Variants in IKZF4 observed in about 807,000 individuals in gnomAD.
IKZF4 encodes IKAROS family zinc finger 4, also known as zinc finger protein Eos.
A neutral mutation model predicts 47.7 loss-of-function variants in IKZF4; 11 were observed. The ratio of observed to expected loss-of-function variants is 0.23; its 90% CI spans 0.15 to 0.38. The LOEUF is 0.38. Ranked by LOEUF, IKZF4 falls within the 10% of genes least tolerant of loss-of-function variation. The pLI is 1.00. For synonymous variants in IKZF4, 298 were observed against 299.4 expected (o/e 1.00, Z 0.05); for missense variants, 557 against 784.9 (o/e 0.71, Z 3.47).
Position 56,035,102 on chromosome 12 carries a change from C to G in IKZF4, c.1529C>G (p.Pro510Arg), listed in dbSNP as rs1895523058. 3 of 1,610,286 alleles carry G rather than the reference C, an allele frequency of 1.9e-6. No individual in the cohort carries two copies. Among genetic ancestry groups the G allele is most frequent in the Non-Finnish European group, 2.5e-6 (3 of 1,177,774 alleles). ...KPQEGLLRGT[P>R]GPSKEVLRVV... Reference sequence around the variant, plus strand: ...CAGGAGGGGTTATTGCGGGGCACCCCAGGCCCCTCCAAGGAAGTGCTTCGG... The same window carrying G: ...CAGGAGGGGTTATTGCGGGGCACCCGAGGCCCCTCCAAGGAAGTGCTTCGG... Residue 510 changes from proline to arginine, a missense_variant, in exon 8 of 8, where the codon CCA becomes CGA. Pro to Arg is a moderately radical substitution (Grantham distance 103). This residue lies in a region of IKZF4 where 280 missense variants were observed against 314.0 expected (regional missense o/e 0.89). Coordinates refer to ENST00000547167, the MANE Select transcript of IKZF4 (RefSeq NM_022465.4). This position sits in a 1 kb window ranked among gnomAD's most constrained non-coding sequence, Gnocchi z 6.1.
At chr12:56,009,290 C>T (rs751591682) in intron 1 of IKZF4, among the ~76,000 whole-genome samples, 45 of 152,202 alleles carry the variant, frequency 3.0e-4, no homozygotes, top group Non-Finnish European at 6.5e-4. Context: ...AAAATGTTAT[C>T]TGACTACCTA....
At chr12:56,020,914 C>G (rs913658722), upstream of IKZF4, 2 of 993,236 alleles carry the variant, frequency 2.0e-6, no homozygotes, top group South Asian at 4.6e-5. Flanking sequence ...TGAAGCTGTC[C>G]GTGTCCTGGG....
At chr12:56,008,308 G>C (rs959797893) in intron 1 of IKZF4, among the ~76,000 whole-genome samples, 1 of 152,056 alleles carries the variant, frequency 6.6e-6, no homozygotes, top group Admixed American at 6.6e-5. Flanking sequence ...TGGGAAAGAA[G>C]AGATTCACTG....
At chr12:56,014,882 C>T (rs1891818841) in intron 2 of IKZF4, among the ~76,000 whole-genome samples, 1 of 152,176 alleles carries the variant, frequency 6.6e-6, no homozygotes, top group African/African-American at 2.4e-5. Context: ...AGAAAGAGGA[C>T]ACCTCAGAGA....
rs984133283 is a variant in IKZF4 at position 56,035,070 on chromosome 12, C to G, written c.1497C>G (p.Pro499=). Residue 499 remains proline, a synonymous_variant, in exon 8 of 8, where the codon CCC becomes CCG. Coordinates refer to ENST00000547167, the MANE Select transcript of IKZF4 (RefSeq NM_022465.4). This position sits in a 1 kb window ranked among gnomAD's most constrained non-coding sequence, Gnocchi z 6.1. ...RHSPAYAKED[P]KPQEGLLRGT... is the part of the protein sequence containing the mutation. ...GTCCTGCCTACGCCAAAGAGGACCC[C>G]AAGCCACAGGAGGGGTTATTGCGGG... The G allele has an allele frequency of 2.5e-6, 4 of 1,589,144 alleles. No homozygotes were observed. The highest frequency in any genetic ancestry group is 3.4e-6 in the Non-Finnish European group (4 of 1,167,288).
chr12:56,032,364 A>G, intron 5 of IKZF4, 197 bp from the exon 6 acceptor site: 1 of 579,684 alleles, frequency 1.7e-6, no homozygotes, highest in Non-Finnish European at 3.0e-6. Flanking sequence ...ATAACTGCAC[A>G]TTATCCTTCA....
In IKZF4 at chr12:56,034,649, T is replaced by C. The variant is rs1393495115; in HGVS notation, c.1076T>C (p.Leu359Ser). ...NSGGYEKDVE[L>S]VAHHSLEPGF... is the part of the protein sequence containing the mutation. ...GGTGGCTATGAAAAGGATGTGGAGT[T>C]GGTGGCACACCACAGCCTAGAGCCT... is the stretch of plus-strand genomic sequence containing the variant. Residue 359 changes from leucine to serine, a missense_variant, in exon 8 of 8, where the codon TTG becomes TCG. By Grantham distance (145) the Leu-to-Ser change is moderately radical. Transcript: ENST00000547167. 6.2e-6 allele frequency: 10 copies of C among 1,613,906 alleles called. No homozygotes were observed. In the East Asian group the frequency reaches 6.7e-5, roughly 11 times the overall value.
chr12:56,018,165 T>C (rs1892376677), upstream of IKZF4: 1 of 1,289,380 alleles, frequency 7.8e-7, no homozygotes, highest in African/African-American at 1.5e-5. Flanking sequence ...CAATGGCCGC[T>C]CCTATGTGTC....
chr12:56,031,963 GAC>G (rs917231653), intron 5 of IKZF4, among the ~76,000 whole-genome samples: 4 of 152,054 alleles, frequency 2.6e-5, no homozygotes, highest in African/African-American at 9.7e-5. Flanking sequence ...GAGACAGAGA[GAC>G]AAAATAATCA....
rs1031814602 is a variant in IKZF4, at chr12:56,033,087, C to A, written c.866-103C>A. ...CCAGTTTCCCAGGCAACTGGTATGTCCTTCCTTGGCTACTGACCTGCTGGT... is the reference window on the plus strand; with the variant it reads ...CCAGTTTCCCAGGCAACTGGTATGTACTTCCTTGGCTACTGACCTGCTGGT... On this transcript the variant is annotated intron_variant, in intron 6 of 7. Transcript: ENST00000547167. 4 of 1,404,580 alleles carry A rather than the reference C, an allele frequency of 2.8e-6. No homozygotes were observed. In the African/African-American group the frequency reaches 4.3e-5, roughly 15 times the overall value. 87.0% of individuals were successfully genotyped at this position (1,404,580 alleles called of 1,614,324 possible). A position where few individuals can be genotyped will look rare whatever the true frequency, so the allele number is the denominator to read the frequency against.
At chr12:56,013,977 C>G (rs1461720196) in intron 2 of IKZF4, among the ~76,000 whole-genome samples, 1 of 152,228 alleles carries the variant, frequency 6.6e-6, no homozygotes, top group East Asian at 1.9e-4. Flanking sequence ...ATGGCAAAAC[C>G]CTGTCTCTAC....
chr12:56,016,049 ATC>A (rs1364886675), upstream of IKZF4, among the ~76,000 whole-genome samples: 1 of 151,208 alleles, frequency 6.6e-6, no homozygotes, highest in Non-Finnish European at 1.5e-5. Context: ...GATACTAGGA[ATC>A]TCTCTGACAA....
Position 56,027,762 on chromosome 12 carries a change from T to C in IKZF4, c.548-18T>C. 1 of 1,609,586 alleles carries C rather than the reference T, an allele frequency of 6.2e-7. No individual in the cohort carries two copies. The highest frequency in any genetic ancestry group is 1.7e-5 in the Admixed American group (1 of 59,332). On this transcript the variant is annotated intron_variant, in intron 4 of 7. Coordinates refer to ENST00000547167, the MANE Select transcript of IKZF4 (RefSeq NM_022465.4). The stretch of plus-strand genomic sequence containing the variant: ...TTCCTCACATGCAGTCCTCTGGGAT[T>C]TGTTCTTTCACTTGCAGGTGAAAGG...
At chr12:56,020,962 A>G (rs1176332078), upstream of IKZF4, 7 of 1,015,798 alleles carry the variant, frequency 6.9e-6, no homozygotes, top group African/African-American at 1.7e-5. Context: ...CCCAGCTGGC[A>G]GAGGATTGGG....
chr12:56,025,007 A>C lies in IKZF4; in HGVS notation c.182-47A>C. The stretch of plus-strand genomic sequence containing the variant: ...TAAAAGATTAGGCAATGGACAGTAG[A>C]TATCTCCAGCTCCAGCTTTACCTGC... On this transcript the variant is annotated intron_variant, in intron 2 of 7. Coordinates refer to ENST00000547167, the MANE Select transcript of IKZF4 (RefSeq NM_022465.4). The C allele has an allele frequency of 3.9e-6, 6 of 1,553,538 alleles. No homozygotes were observed. In the South Asian group the frequency reaches 7.1e-5, roughly 18 times the overall value.
chr12:56,011,268 A>C (rs1891293470), intron 1 of IKZF4: 1 of 152,236 alleles, frequency 6.6e-6, no homozygotes, highest in African/African-American at 2.4e-5. Flanking sequence ...AACCCCAAAA[A>C]GTATCATCTC....
At chr12:56,013,062 C>T (rs535929427) in intron 2 of IKZF4, among the ~76,000 whole-genome samples, 15 of 152,278 alleles carry the variant, frequency 9.9e-5, no homozygotes, top group African/African-American at 3.1e-4. Context: ...CAATGACCAG[C>T]GTTTCCTCCC....
Position 56,034,578 on chromosome 12 carries a change from G to A in IKZF4, c.1005G>A (p.Lys335=), listed in dbSNP as rs1895435592. 3.1e-6 allele frequency: 5 copies of A among 1,605,448 alleles called. No homozygotes were observed. Among genetic ancestry groups the A allele is most frequent in the Non-Finnish European group, 3.4e-6 (4 of 1,174,572 alleles). The part of the protein sequence containing the change: ...RSTPQKFVGE[K]QMRFSLSDLP... ...AGTTCCTGTTCTCCACAGGCGAAAA[G>A]CAGATGCGCTTCAGCCTCTCAGACC... is the stretch of plus-strand genomic sequence containing the variant. Residue 335 remains lysine, a synonymous_variant, in exon 8 of 8, where the codon AAG becomes AAA. Coordinates refer to ENST00000547167, the MANE Select transcript of IKZF4 (RefSeq NM_022465.4).
chr12:56,020,724 C>A (rs187770707), upstream of IKZF4, among the ~76,000 whole-genome samples: 1 of 152,098 alleles, frequency 6.6e-6, no homozygotes, highest in Non-Finnish European at 1.5e-5. Flanking sequence ...CCTTTTTGCC[C>A]GGGATCTGAA....
Sources: allele counts gnomAD v4.1 joint callset (sites outside exome capture counted in the v4.1 genomes callset), GRCh38; gene constraint gnomAD v4.1.1; regional missense constraint gnomAD v4.1.1; non-coding constraint Gnocchi (gnomAD v3.1); transcripts MANE v1.5; gene names NCBI Gene and HGNC (gene_info 2026-07-23, HGNC 2026-07-21).